The following KLF13 variants were observed in gnomAD, a reference collection of about 807,000 sequenced individuals.
KLF13 encodes the protein KLF transcription factor 13, also known as Krueppel-like factor 13.
KLF13 carries 8 observed loss-of-function variants against 16.7 expected under a neutral mutation model. That is an observed-to-expected ratio of 0.48 (90% CI 0.28 to 0.87). KLF13 has a LOEUF of 0.87. Ranked by LOEUF, KLF13 falls within the 40% of genes least tolerant of loss-of-function variation. The pLI, the probability that KLF13 is intolerant of heterozygous loss-of-function variation, is 0.10. For synonymous variants in KLF13, 245 were observed against 208.4 expected (o/e 1.18, Z -1.51); for missense variants, 447 against 452.2 (o/e 0.99, Z 0.10).
At chr15:31,424,875 T>TCACACACACACACA (rs71110875) in intron 1 of KLF13, among the ~76,000 whole-genome samples, 2,337 of 146,266 alleles carry the variant, frequency 0.016, 39 homozygotes, top group African/African-American at 0.036. Flanking sequence ...TCTAGAGATT[T>TCACACACACACACA]CACACACACA....
At chr15:31,403,189 G>A (rs1248439526) in intron 2 of KLF13, among the ~76,000 whole-genome samples, 1 of 152,214 alleles carries the variant, frequency 6.6e-6, no homozygotes, top group Non-Finnish European at 1.5e-5. Flanking sequence ...TTTCTGCTGT[G>A]AAGCAGTTTT....
chr15:31,336,541 T>A (rs970498496), intron 1 of KLF13, among the ~76,000 whole-genome samples: 1 of 152,206 alleles, frequency 6.6e-6, no homozygotes, highest in African/African-American at 2.4e-5. Flanking sequence ...CCTTTCTACT[T>A]GTCTTTAACC....
chr15:31,343,116 C>T (rs1407175078), intron 1 of KLF13, among the ~76,000 whole-genome samples: 1 of 152,246 alleles, frequency 6.6e-6, no homozygotes, highest in African/African-American at 2.4e-5. Context: ...TCTCCGTGCT[C>T]TGCTCTTGTG....
At chr15:31,431,812 A>T (rs560700264) in intron 1 of KLF13, among the ~76,000 whole-genome samples, 50 of 152,344 alleles carry the variant, frequency 3.3e-4, no homozygotes, top group Middle Eastern at 6.8e-3. Context: ...CCAGATCTCA[A>T]ACCATGCAAA....
At chr15:31,404,833 A>G (rs2040095260), downstream of KLF13, 1 of 152,488 alleles carries the variant, frequency 6.6e-6, no homozygotes, top group South Asian at 2.1e-4. Context: ...GGAAAGAACC[A>G]ACTCCCGACA....
intron 1 of KLF13, among the ~76,000 whole-genome samples, chr15:31,412,184 G>C (rs1238916560): frequency 6.6e-6 from 1 of 152,186 alleles, no homozygotes; most frequent in East Asian, 1.9e-4. Flanking sequence ...CACCATGTGA[G>C]AACACAGCTA....
downstream of KLF13, among the ~76,000 whole-genome samples, chr15:31,405,053 CTCA>C (rs2040102863): frequency 6.6e-6 from 1 of 152,180 alleles, no homozygotes; most frequent in Admixed American, 6.5e-5. Flanking sequence ...GCCCCTGAAA[CTCA>C]TATGTTGAGT....
intron 1 of KLF13, among the ~76,000 whole-genome samples, chr15:31,359,682 C>T (rs897265754): frequency 6.6e-6 from 1 of 152,206 alleles, no homozygotes; most frequent in African/African-American, 2.4e-5. Context: ...CTGGCATATG[C>T]ATTTCATGTG....
chr15:31,423,140 T>TATATATACGTATGTATACGTATAC (rs2040358014), intron 1 of KLF13, among the ~76,000 whole-genome samples: 1 of 43,452 alleles, frequency 2.3e-5, no homozygotes, highest in African/African-American at 2.5e-4. Flanking sequence ...TACGTATACG[T>TATATATACGTATGTATACGTATAC]ATACGTATAT....
chr15:31,430,858 C>A (rs2040463652), intron 1 of KLF13, among the ~76,000 whole-genome samples: 1 of 152,196 alleles, frequency 6.6e-6, no homozygotes. Flanking sequence ...AAGTCATAGG[C>A]ACTCAGAACA....
At chr15:31,329,205 G>C (rs2038781947) in intron 1 of KLF13, among the ~76,000 whole-genome samples, 1 of 151,768 alleles carries the variant, frequency 6.6e-6, no homozygotes, top group African/African-American at 2.4e-5. Context: ...TGGGGGCTCA[G>C]GTTGGGGGTG....
At chr15:31,399,125 A>G (rs2039997938) in intron 2 of KLF13, among the ~76,000 whole-genome samples, 1 of 152,170 alleles carries the variant, frequency 6.6e-6, no homozygotes, top group Non-Finnish European at 1.5e-5. Flanking sequence ...TCACCCTCTG[A>G]GAGGAGCTGA....
At chr15:31,393,355 A>T (rs1307477500) in intron 1 of KLF13, 1 of 152,428 alleles carries the variant, frequency 6.6e-6, no homozygotes. Flanking sequence ...CCTCTCCTCC[A>T]CTGCTCCCCC....
chr15:31,383,924 TA>T (rs377713929), intron 1 of KLF13, among the ~76,000 whole-genome samples: 60 of 75,904 alleles, frequency 7.9e-4, no homozygotes, highest in African/African-American at 4.1e-3. Context: ...AATAAATAAA[TA>T]AAATAAAATA....
chr15:31,422,587 CA>C (rs935532590), intron 1 of KLF13, among the ~76,000 whole-genome samples: 5 of 152,066 alleles, frequency 3.3e-5, no homozygotes, highest in African/African-American at 9.7e-5. Flanking sequence ...GACACAGAGC[CA>C]AACCATATCA....
intron 1 of KLF13, among the ~76,000 whole-genome samples, chr15:31,329,028 T>C (rs1210474934): frequency 5.9e-5 from 9 of 152,076 alleles, no homozygotes; most frequent in Non-Finnish European, 1.0e-4. Context: ...GCCCCTTTTT[T>C]TTACCATTTG....
intron 1 of KLF13, among the ~76,000 whole-genome samples, chr15:31,432,296 C>T (rs1028028047): frequency 6.6e-6 from 1 of 152,002 alleles, no homozygotes; most frequent in African/African-American, 2.4e-5. Context: ...CTAGACATGG[C>T]CTCTGCCCTC....
chr15:31,333,061 C>G (rs780383020), intron 1 of KLF13, among the ~76,000 whole-genome samples: 1 of 152,190 alleles, frequency 6.6e-6, no homozygotes, highest in Admixed American at 6.5e-5. Context: ...ATAAAAACTT[C>G]TAGAATAGTA....
Position 31,327,233 on chromosome 15 carries a change from G to A in KLF13, c.21G>A (p.Val7=). The change falls in exon 1 of 2, where the codon GTG becomes GTA. Residue 7 remains valine (V), a synonymous_variant. Coordinates refer to ENST00000307145, the MANE Select transcript of KLF13 (RefSeq NM_015995.4). ...GCAGCATGGCAGCCGCCGCCTATGT[G>A]GACCACTTCGCCGCCGAGTGCCTCG... The part of the protein sequence containing the change: MAAAAY[V]DHFAAECLVS... 2 of 1,374,078 alleles carry A rather than the reference G, an allele frequency of 1.5e-6. No individual in the cohort carries two copies. Among genetic ancestry groups the A allele is most frequent in the Non-Finnish European group, 1.9e-6 (2 of 1,062,070 alleles). 85.1% of individuals were successfully genotyped at this position (1,374,078 alleles called of 1,614,324 possible).
Sources: gnomAD v4.1 joint callset for allele counts (sites outside exome capture counted in the v4.1 genomes callset) on GRCh38, gnomAD v4.1.1 for gene constraint, MANE v1.5 for transcripts, NCBI Gene and HGNC (gene_info 2026-07-23, HGNC 2026-07-21) for gene names.